Variants in IPCEF1 observed in about 807,000 individuals in gnomAD.
The protein encoded by IPCEF1 is interactor protein for cytohesin exchange factors 1.
IPCEF1 carries 31 observed loss-of-function variants against 50.9 expected under a neutral mutation model. That is an observed-to-expected ratio of 0.61 (90% CI 0.46 to 0.82). The LOEUF (loss-of-function observed/expected upper bound fraction) is 0.82. Among genes scored for constraint, IPCEF1 ranks in the 40% least tolerant of loss-of-function variants. The pLI, the probability that IPCEF1 is intolerant of heterozygous loss-of-function variation, is 0.00. For synonymous variants in IPCEF1, 181 were observed against 192.0 expected (o/e 0.94, Z 0.47); for missense variants, 458 against 514.0 (o/e 0.89, Z 1.05).
chr6:154,190,470 A>G (rs756056455), intron 10 of IPCEF1, among the ~76,000 whole-genome samples: 4 of 152,202 alleles, frequency 2.6e-5, no homozygotes, highest in Admixed American at 6.5e-5. Flanking sequence ...GTTACTACCC[A>G]CCTACTAGCA....
chr6:154,222,946 C>T, intron 6 of IPCEF1: 1 of 571,300 alleles, frequency 1.8e-6, no homozygotes, highest in Non-Finnish European at 3.1e-6. Context: ...CATGCCAAGA[C>T]TTCGTGGGGG....
intron 1 of IPCEF1, among the ~76,000 whole-genome samples, chr6:154,342,131 T>C (rs1783931278): frequency 6.6e-6 from 1 of 152,130 alleles, no homozygotes; most frequent in South Asian, 2.1e-4. Context: ...GTAAATTCTT[T>C]GCTGGCCTCC....
chr6:154,302,979 C>CACTA (rs1439757604), intron 1 of IPCEF1, among the ~76,000 whole-genome samples: 1 of 152,132 alleles, frequency 6.6e-6, no homozygotes, highest in Admixed American at 6.5e-5. Context: ...GGATCACCAT[C>CACTA]ACTACTTATC....
At chr6:154,285,799 T>C (rs770645911) in intron 2 of IPCEF1, among the ~76,000 whole-genome samples, 1 of 152,148 alleles carries the variant, frequency 6.6e-6, no homozygotes, top group African/African-American at 2.4e-5. Flanking sequence ...GGAGTCTGAG[T>C]TGTTTCTTTA....
chr6:154,177,351 A>G (rs567051869), intron 10 of IPCEF1, among the ~76,000 whole-genome samples: 4 of 152,378 alleles, frequency 2.6e-5, no homozygotes, highest in African/African-American at 9.6e-5. Flanking sequence ...GTGAACAGGC[A>G]ACCTACAGAA....
At chr6:154,165,501 C>T (rs1423178783) in intron 11 of IPCEF1, among the ~76,000 whole-genome samples, 1 of 152,198 alleles carries the variant, frequency 6.6e-6, no homozygotes, top group Non-Finnish European at 1.5e-5. Context: ...CTCCTACCTC[C>T]TGAGATTAAT....
chr6:154,288,247 A>G (rs1020717563), intron 2 of IPCEF1, among the ~76,000 whole-genome samples: 1 of 152,244 alleles, frequency 6.6e-6, no homozygotes, highest in South Asian at 2.1e-4. Flanking sequence ...ACTGAGGACA[A>G]TAGTGATTAT....
intron 7 of IPCEF1, among the ~76,000 whole-genome samples, chr6:154,218,682 T>C (rs1418142044): frequency 6.6e-6 from 1 of 152,236 alleles, no homozygotes; most frequent in Non-Finnish European, 1.5e-5. Context: ...GTTGCATTGT[T>C]GGCTACTAGA....
At chr6:154,285,657 T>G (rs964055281) in intron 2 of IPCEF1, among the ~76,000 whole-genome samples, 1 of 152,228 alleles carries the variant, frequency 6.6e-6, no homozygotes, top group Non-Finnish European at 1.5e-5. Context: ...GTTCACATTG[T>G]TATATTTTGC....
chr6:154,265,089 A>G (rs1357642829), intron 3 of IPCEF1, among the ~76,000 whole-genome samples: 3 of 151,964 alleles, frequency 2.0e-5, no homozygotes, highest in African/African-American at 7.3e-5. Flanking sequence ...ACACCATACA[A>G]TCCCACGACA....
At chr6:154,227,700 G>A (rs573544620) in intron 5 of IPCEF1, among the ~76,000 whole-genome samples, 1 of 152,228 alleles carries the variant, frequency 6.6e-6, no homozygotes, top group Admixed American at 6.5e-5. Flanking sequence ...CTGGGTGACA[G>A]AGTTAAAATG....
chr6:154,191,015 C>T (rs1248661010), intron 10 of IPCEF1, among the ~76,000 whole-genome samples: 1 of 152,014 alleles, frequency 6.6e-6, no homozygotes, highest in African/African-American at 2.4e-5. Flanking sequence ...GAGATCGCGC[C>T]ACTGCACTGC....
At chr6:154,229,661 T>G (rs59709876) in intron 5 of IPCEF1, among the ~76,000 whole-genome samples, 12,920 of 152,082 alleles carry the variant, frequency 0.085, 990 homozygotes, top group East Asian at 0.43. Flanking sequence ...CAGCAGTTTG[T>G]CAGTTTCTAA....
At chr6:154,178,211 C>G (rs1800523603) in intron 10 of IPCEF1, among the ~76,000 whole-genome samples, 1 of 152,238 alleles carries the variant, frequency 6.6e-6, no homozygotes, top group South Asian at 2.1e-4. Context: ...ATGGCTGTAG[C>G]AAACCACCAT....
intron 9 of IPCEF1, among the ~76,000 whole-genome samples, chr6:154,206,757 G>C (rs1583796792): frequency 6.6e-6 from 1 of 152,206 alleles, no homozygotes; most frequent in Admixed American, 6.5e-5. Flanking sequence ...TGGGATTGGG[G>C]TGGGAGTCAG....
At chr6:154,308,064 G>T (rs1259002871) in intron 1 of IPCEF1, among the ~76,000 whole-genome samples, 1 of 152,198 alleles carries the variant, frequency 6.6e-6, no homozygotes, top group Non-Finnish European at 1.5e-5. Flanking sequence ...GGAGAGGGAT[G>T]TAAACAGACA....
chr6:154,307,991 G>A (rs1782979656), intron 1 of IPCEF1, among the ~76,000 whole-genome samples: 1 of 152,222 alleles, frequency 6.6e-6, no homozygotes, highest in African/African-American at 2.4e-5. Flanking sequence ...AAGGTAAGGG[G>A]TGGCTTGAAC....
chr6:154,331,331 G>A (rs1783654569), intron 1 of IPCEF1, among the ~76,000 whole-genome samples: 1 of 134,756 alleles, frequency 7.4e-6, no homozygotes. Flanking sequence ...AAGAAGAAGG[G>A]AGGAAGGGAG....
rs375718390 is a variant in IPCEF1, at chr6:154,169,864, T to A, written c.911-1751A>T. ...GGCCAAGGAGACTCAGTTCCAAGAC[T>A]TTGGAGTATCAGATAAGTAATCTCT... On this transcript the variant is annotated intron_variant, in intron 10 of 11. Coordinates refer to ENST00000367220, the MANE Select transcript of IPCEF1 (RefSeq NM_001130700.2). Among the ~76,000 whole-genome samples, 187 of 152,328 alleles carry A rather than the reference T, an allele frequency of 1.2e-3. 3 individuals carry two copies. In the South Asian group the frequency reaches 0.037, roughly 30 times the overall value.
Sources: allele counts gnomAD v4.1 joint callset (sites outside exome capture counted in the v4.1 genomes callset), GRCh38; gene constraint gnomAD v4.1.1; transcripts MANE v1.5; gene names NCBI Gene and HGNC (gene_info 2026-07-23, HGNC 2026-07-21).